Variants in ZNF804B observed in about 807,000 individuals in gnomAD.
The protein encoded by ZNF804B is zinc finger protein 804B, also known as zinc finger 804B.
Under a neutral mutation model 101.4 loss-of-function variants are expected in ZNF804B, and 80 were observed. That is an observed-to-expected ratio of 0.79 (90% CI 0.66 to 0.95). ZNF804B has a LOEUF of 0.95. ZNF804B is among the 40% of genes least tolerant of loss of function. The pLI is 0.00. For missense variants in ZNF804B, 1,673 were observed against 1,561.9 expected (o/e 1.07, Z -1.20); for synonymous variants, 622 against 558.8 (o/e 1.11, Z -1.59).
chr7:88,838,577 A>G (rs1361043650), intron 1 of ZNF804B, among the ~76,000 whole-genome samples: 2 of 151,996 alleles, frequency 1.3e-5, no homozygotes, highest in African/African-American at 4.8e-5. Flanking sequence ...TATACTATTA[A>G]GTAGATTTTA....
At chr7:89,016,301 G>C (rs1225711555) in intron 1 of ZNF804B, among the ~76,000 whole-genome samples, 4 of 152,048 alleles carry the variant, frequency 2.6e-5, no homozygotes, top group Non-Finnish European at 5.9e-5. Flanking sequence ...TGTTCACTCT[G>C]CTGGTAGTTT....
At chr7:89,317,242 C>T (rs1790747349) in intron 2 of ZNF804B, among the ~76,000 whole-genome samples, 1 of 152,174 alleles carries the variant, frequency 6.6e-6, no homozygotes, top group Admixed American at 6.5e-5. Context: ...CAAAGGTTTT[C>T]TCCTGCCTAT....
At chr7:89,041,987 AG>A (rs1466351477) in intron 1 of ZNF804B, among the ~76,000 whole-genome samples, 1 of 152,180 alleles carries the variant, frequency 6.6e-6, no homozygotes, top group African/African-American at 2.4e-5. Context: ...AAGGATTCAA[AG>A]TCATTTTTAA....
intron 1 of ZNF804B, among the ~76,000 whole-genome samples, chr7:89,051,245 C>T (rs943518559): frequency 6.6e-5 from 10 of 152,044 alleles, no homozygotes; most frequent in Non-Finnish European, 1.3e-4. Context: ...AGAGTTACTA[C>T]TATAAATTTT....
chr7:89,053,123 T>C (rs1378747880), intron 1 of ZNF804B, among the ~76,000 whole-genome samples: 1 of 152,152 alleles, frequency 6.6e-6, no homozygotes, highest in East Asian at 1.9e-4. Flanking sequence ...AAATAGAATG[T>C]TTCTTACAGA....
In ZNF804B at chr7:89,218,262, T is replaced by C. The variant is rs768136987; in HGVS notation, c.216T>C (p.Asn72=). Residue 72 remains asparagine (N), a synonymous_variant, in exon 2 of 4, where the codon AAT becomes AAC. Coordinates refer to ENST00000333190, the MANE Select transcript of ZNF804B (RefSeq NM_181646.5). The part of the protein sequence containing the change: ...KQYHKHQEFD[N]HINSYDHAHK... ...ATCACAAACACCAGGAGTTTGACAA[T>C]CATATTAATTCTTATGACCATGCTC... The C allele has an allele frequency of 6.2e-7, 1 of 1,613,566 alleles. No individual in the cohort carries two copies. Among genetic ancestry groups the C allele is most frequent in the South Asian group, 1.1e-5 (1 of 90,944 alleles).
At chr7:88,918,759 G>A (rs981893607) in intron 1 of ZNF804B, among the ~76,000 whole-genome samples, 1 of 152,082 alleles carries the variant, frequency 6.6e-6, no homozygotes, top group African/African-American at 2.4e-5. Context: ...AGGCCTAAGA[G>A]TGGGATTGGG....
chr7:89,173,583 T>C (rs113143565), intron 1 of ZNF804B, among the ~76,000 whole-genome samples: 2,274 of 152,168 alleles, frequency 0.015, 50 homozygotes, highest in South Asian at 0.031. Flanking sequence ...ATTTCTAAAA[T>C]AGAATACTGT....
intron 1 of ZNF804B, among the ~76,000 whole-genome samples, chr7:88,776,646 T>C (rs1562790598): frequency 6.6e-6 from 1 of 150,734 alleles, no homozygotes; most frequent in African/African-American, 2.5e-5. Flanking sequence ...GAAGGATTTT[T>C]TCTCTCTTTT....
At chr7:89,155,936 T>G (rs1404880331) in intron 1 of ZNF804B, among the ~76,000 whole-genome samples, 2 of 144,294 alleles carry the variant, frequency 1.4e-5, no homozygotes, top group Non-Finnish European at 3.1e-5. Context: ...TGCTTTCCCT[T>G]TCTCTCCCTT....
chr7:88,892,672 T>C (rs1291483824), intron 1 of ZNF804B, among the ~76,000 whole-genome samples: 1 of 152,184 alleles, frequency 6.6e-6, no homozygotes, highest in Non-Finnish European at 1.5e-5. Flanking sequence ...GCCATTACTT[T>C]CTTTCAATAT....
Position 89,135,416 on chromosome 7 carries a change from A to G in ZNF804B, c.109-82739A>G, listed in dbSNP as rs1048229953. ...GTCTGCTCCATGACTCCTCCTTCACATCTACTGATAGTCAGATTTTCTTCT... is the reference window on the plus strand; with the variant it reads ...GTCTGCTCCATGACTCCTCCTTCACGTCTACTGATAGTCAGATTTTCTTCT... On this transcript the variant is annotated intron_variant, in intron 1 of 3. Coordinates refer to ENST00000333190, the MANE Select transcript of ZNF804B (RefSeq NM_181646.5). Among the ~76,000 whole-genome samples, 3 of 152,048 alleles carry G rather than the reference A, an allele frequency of 2.0e-5. No homozygotes were observed. In the East Asian group the frequency reaches 5.8e-4, roughly 29 times the overall value.
intron 1 of ZNF804B, among the ~76,000 whole-genome samples, chr7:89,072,005 G>C (rs1333585431): frequency 6.6e-6 from 1 of 152,182 alleles, no homozygotes; most frequent in Non-Finnish European, 1.5e-5. Flanking sequence ...AAATGGGAAA[G>C]AGAAGCTAAC....
chr7:89,310,175 T>C (rs1790630650), intron 2 of ZNF804B, among the ~76,000 whole-genome samples: 1 of 152,028 alleles, frequency 6.6e-6, no homozygotes, highest in African/African-American at 2.4e-5. Context: ...TTCTCAGGCA[T>C]ATTGTGACCT....
chr7:88,943,889 G>A (rs560830806), intron 1 of ZNF804B, among the ~76,000 whole-genome samples: 49 of 151,632 alleles, frequency 3.2e-4, no homozygotes, highest in African/African-American at 1.1e-3. Context: ...TTTGTCTTCC[G>A]TCACTTAGCA....
Position 89,092,678 on chromosome 7 carries a change from G to A in ZNF804B, c.109-125477G>A, listed in dbSNP as rs1000202311. ...CACCCGCCTTGGCCTCCCAAAGTGC[G>A]TTGATTTATTTTCTTCCTCAAACTG... is the stretch of plus-strand genomic sequence containing the variant. On this transcript the variant is annotated intron_variant, in intron 1 of 3. Coordinates refer to ENST00000333190, the MANE Select transcript of ZNF804B (RefSeq NM_181646.5). 7.9e-5 allele frequency among the ~76,000 whole-genome samples: 12 copies of A among 152,020 alleles called. No individual in the cohort carries two copies. The East Asian group carries it at 1.4e-3, about 17-fold the overall frequency.
At chr7:89,050,833 C>A (rs960562770) in intron 1 of ZNF804B, among the ~76,000 whole-genome samples, 3 of 152,032 alleles carry the variant, frequency 2.0e-5, no homozygotes, top group African/African-American at 7.2e-5. Context: ...TTAATGATTA[C>A]CTTTCTGTCA....
intron 2 of ZNF804B, among the ~76,000 whole-genome samples, chr7:89,219,678 A>C (rs942521622): frequency 2.0e-5 from 3 of 151,542 alleles, no homozygotes; most frequent in African/African-American, 7.3e-5. Context: ...GATTATTGCT[A>C]ACAGCTGTAA....
chr7:89,153,857 C>CAGTA (rs1340249200), intron 1 of ZNF804B, among the ~76,000 whole-genome samples: 2 of 152,118 alleles, frequency 1.3e-5, no homozygotes, highest in Non-Finnish European at 2.9e-5. Flanking sequence ...GCACTTGAGA[C>CAGTA]AGTAGCCTAT....
Sources: gnomAD v4.1 joint callset for allele counts (sites outside exome capture counted in the v4.1 genomes callset) on GRCh38, gnomAD v4.1.1 for gene constraint, MANE v1.5 for transcripts, NCBI Gene and HGNC (gene_info 2026-07-23, HGNC 2026-07-21) for gene names.